The following SETDB2 variants were observed in gnomAD, a reference collection of about 807,000 sequenced individuals.
The protein encoded by SETDB2 is histone-lysine N-methyltransferase SETDB2.
In SETDB2, 56 loss-of-function variants were observed where a neutral mutation model predicts 82.5. The observed-to-expected ratio is 0.68, with a 90% confidence interval of 0.55 to 0.85. The LOEUF is 0.85. Ranked by LOEUF, SETDB2 falls within the 40% of genes least tolerant of loss-of-function variation. The probability of loss-of-function intolerance (pLI) is 0.00; values close to 1 mark genes in which losing one functional copy is unlikely to be tolerated. For missense variants in SETDB2, 677 were observed against 816.4 expected (o/e 0.83, Z 2.08); for synonymous variants, 272 against 284.9 (o/e 0.95, Z 0.46).
rs75281796 is a variant in SETDB2 at position 49,459,767 on chromosome 13, T to C, written c.17-340T>C. 5.7e-3 allele frequency: 931 copies of C among 162,086 alleles called. 6 individuals carry two copies. Among genetic ancestry groups the C allele is most frequent in the African/African-American group, 0.02 (832 of 41,890 alleles). The allele number at this position is 162,086 out of a possible 1,614,324, so 10.0% of individuals were successfully genotyped here. ...ATTCTGAAACCACACTCGGTGGAGATTATACCACTGAGACTTTTTAAAGTG... is the reference window on the plus strand; with the variant it reads ...ATTCTGAAACCACACTCGGTGGAGACTATACCACTGAGACTTTTTAAAGTG... On this transcript the variant is annotated intron_variant, in intron 2 of 13. Coordinates refer to ENST00000611815, the MANE Select transcript of SETDB2 (RefSeq NM_001160308.3).
chr13:49,475,255 C>T (rs1417165319), intron 5 of SETDB2, among the ~76,000 whole-genome samples: 2 of 152,102 alleles, frequency 1.3e-5, no homozygotes, highest in East Asian at 1.9e-4. Flanking sequence ...AAGACCTGCA[C>T]CCATGATTCA....
rs1958516965 is a variant in SETDB2, at chr13:49,483,398, TGTACTTGA to T, written c.1383-62_1383-55del. On this transcript the variant is annotated intron_variant, in intron 9 of 13. Transcript: ENST00000611815. ...TATTTATGTAATAATGGATATTATC[TGTACTTGA>T]GTAAAGAGAATGAAGAGAATTTTTA... The T allele has an allele frequency of 8.7e-6, 5 of 575,694 alleles. No individual in the cohort carries two copies. The African/African-American group carries it at 9.9e-5, about 11-fold the overall frequency. The allele number at this position is 575,694 out of a possible 1,614,324, so 35.7% of individuals were successfully genotyped here. A position where few individuals can be genotyped will look rare whatever the true frequency, so the allele number is the denominator to read the frequency against.
intron 6 of SETDB2, among the ~76,000 whole-genome samples, chr13:49,477,360 C>G (rs1459589724): frequency 1.3e-5 from 2 of 152,066 alleles, no homozygotes; most frequent in African/African-American, 4.8e-5. Flanking sequence ...TGCTTGAGCC[C>G]AGGAGGTCAA....
Position 49,488,546 on chromosome 13 carries a change from A to T in SETDB2, c.1833A>T (p.Ser611=), listed in dbSNP as rs773989017. 1.9e-6 allele frequency: 3 copies of T among 1,613,300 alleles called. No homozygotes were observed. In the Admixed American group the frequency reaches 5.0e-5, roughly 27 times the overall value. ...TGCTAAGTGAAACCAAGAATACTTC[A>T]TCTGATTCTCTAACAAAGTTCAATA... ...EELLSETKNT[S]SDSLTKFNKG... Residue 611 remains serine, a synonymous_variant, in exon 12 of 14, where the codon TCA becomes TCT. Coordinates refer to ENST00000611815, the MANE Select transcript of SETDB2 (RefSeq NM_001160308.3).
At position 49,451,653 on chromosome 13, in the gene SETDB2, A is replaced by G. The variant is rs1957788745; in HGVS notation, c.-241A>G. 2.8e-6 allele frequency: 1 copy of G among 353,472 alleles called. No individual in the cohort carries two copies. Among genetic ancestry groups the G allele is most frequent in the Non-Finnish European group, 5.1e-6 (1 of 194,278 alleles). The allele number at this position is 353,472 out of a possible 1,614,324, so 21.9% of individuals were successfully genotyped here. A position where few individuals can be genotyped will look rare whatever the true frequency, so the allele number is the denominator to read the frequency against. The stretch of plus-strand genomic sequence containing the variant: ...CCACTACAAATATTTACGTGAGAAG[A>G]TTCATGGACTTGTCTTTTGGTTGGA... On this transcript the variant is annotated 5_prime_UTR_variant, in exon 2 of 14. Coordinates refer to ENST00000611815, the MANE Select transcript of SETDB2 (RefSeq NM_001160308.3).
In SETDB2 at chr13:49,493,840, C is replaced by A. The variant is rs1048754852; in HGVS notation, c.*1991C>A. 2.6e-5 allele frequency: 4 copies of A among 152,076 alleles called. No individual in the cohort carries two copies. The highest frequency in any genetic ancestry group is 9.7e-5 in the African/African-American group (4 of 41,390). 9.4% of individuals were successfully genotyped at this position (152,076 alleles called of 1,614,324 possible). On this transcript the variant is annotated 3_prime_UTR_variant, in exon 14 of 14. Transcript: ENST00000611815. The stretch of plus-strand genomic sequence containing the variant: ...CTGGAAATTGAATGCCATTCTGTTC[C>A]TTCTCTTTTGCATATATAATCCATT...
intron 10 of SETDB2, among the ~76,000 whole-genome samples, chr13:49,485,319 T>A (rs1432789348): frequency 6.6e-6 from 1 of 152,218 alleles, no homozygotes; most frequent in African/African-American, 2.4e-5. Flanking sequence ...TAATAACACT[T>A]TCTAAGTACT....
chr13:49,480,876 AGT>A, intron 7 of SETDB2, 69 bp from the exon 8 acceptor site: 2 of 1,504,414 alleles, frequency 1.3e-6, no homozygotes, highest in Non-Finnish European at 1.8e-6. Flanking sequence ...AGTAGTTATC[AGT>A]GTCAGTGAAG....
chr13:49,490,130 A>T (rs1480583446), intron 12 of SETDB2, among the ~76,000 whole-genome samples: 1 of 151,258 alleles, frequency 6.6e-6, no homozygotes, highest in Admixed American at 6.6e-5. Flanking sequence ...TACAAAAAAA[A>T]TTAGCCGTGT....
chr13:49,488,159 A>G, intron 11 of SETDB2, 131 bp from the exon 12 acceptor site: 1 of 1,308,198 alleles, frequency 7.6e-7, no homozygotes, highest in South Asian at 2.0e-5. Context: ...TACAATTAAA[A>G]TAATACTACC....
rs760536889 is a variant in SETDB2, at chr13:49,491,841, AT to A, written c.2117del (p.Ile706AsnfsTer11). 1.8e-5 allele frequency: 29 copies of A among 1,592,182 alleles called. No homozygotes were observed. The highest frequency in any genetic ancestry group is 3.3e-5 in the South Asian group (3 of 90,410). ...QCGVNKCRKKIL is the reference protein window; with the variant it reads ...QCGVNKCRKKXL ...TGGGGTTAATAAATGTAGAAAAAAAATATTATAAATATGTAACTAACGCCTG... is the reference window on the plus strand; with the variant it reads ...TGGGGTTAATAAATGTAGAAAAAAAAATTATAAATATGTAACTAACGCCTG... On this transcript the variant is annotated frameshift_variant, in exon 14 of 14. Coordinates refer to ENST00000611815, the MANE Select transcript of SETDB2 (RefSeq NM_001160308.3). LOFTEE classifies it high-confidence loss of function.
intron 2 of SETDB2, among the ~76,000 whole-genome samples, chr13:49,455,462 G>T (rs75823857): frequency 0.011 from 1,714 of 152,188 alleles, 29 homozygotes; most frequent in African/African-American, 0.039. Context: ...TAAAATATTG[G>T]CTCAGTGAAT....
rs947065869 is a variant in SETDB2, at chr13:49,446,035, C to T, written c.-342+1178C>T. On this transcript the variant is annotated intron_variant, in intron 1 of 13. Transcript: ENST00000611815. ...ACTTGAGCCCAGAGTTCAAGACCAA[C>T]CTGGGCAACATAGACCTCATGTCTA... 5 of 211,586 alleles carry T rather than the reference C, an allele frequency of 2.4e-5. No individual in the cohort carries two copies. The East Asian group carries it at 8.2e-4, about 35-fold the overall frequency. 13.1% of individuals were successfully genotyped at this position (211,586 alleles called of 1,614,324 possible). A position where few individuals can be genotyped will look rare whatever the true frequency, so the allele number is the denominator to read the frequency against.
intron 5 of SETDB2, among the ~76,000 whole-genome samples, chr13:49,471,434 T>C (rs1250995007): frequency 6.6e-6 from 1 of 151,956 alleles, no homozygotes; most frequent in African/African-American, 2.4e-5. Flanking sequence ...TTTTTTTTTT[T>C]TTTGGTCAAG....
In SETDB2 at chr13:49,485,668, T is replaced by C. The variant is rs1434144770; in HGVS notation, c.1521T>C (p.Asn507=). 1.9e-6 allele frequency: 3 copies of C among 1,614,114 alleles called. No individual in the cohort carries two copies. The highest frequency in any genetic ancestry group is 2.5e-6 in the Non-Finnish European group (3 of 1,179,994). The change falls in exon 11 of 14, where the codon AAT becomes AAC. Residue 507 remains asparagine (N), a synonymous_variant. Transcript: ENST00000611815. The part of the protein sequence containing the change: ...VSSESVTPED[N]DGFKPPREHL... The stretch of plus-strand genomic sequence containing the variant: ...CGGAGTCTGTCACTCCAGAAGATAA[T>C]GATGGATTTAAACCACCCCGAGAGC...
At chr13:49,475,580 G>A (rs1054158368) in intron 5 of SETDB2, among the ~76,000 whole-genome samples, 2 of 151,356 alleles carry the variant, frequency 1.3e-5, no homozygotes, top group South Asian at 2.1e-4. Context: ...TCAACCTCCC[G>A]AGTCCAAGTG....
chr13:49,455,606 G>T (rs1264557993), intron 2 of SETDB2, among the ~76,000 whole-genome samples: 2 of 151,978 alleles, frequency 1.3e-5, no homozygotes, highest in East Asian at 3.8e-4. Context: ...CAGATACAAG[G>T]TTTTCAAAAT....
intron 13 of SETDB2, 128 bp from the exon 14 acceptor site, chr13:49,491,604 G>A: frequency 1.5e-6 from 1 of 658,776 alleles, no homozygotes; most frequent in Admixed American, 2.6e-5. Context: ...CCTAATTGGT[G>A]GATGTTGGGT....
At position 49,460,149 on chromosome 13, in the gene SETDB2, A is replaced by G. The variant is rs752714627; in HGVS notation, c.59A>G (p.Lys20Arg). 3.7e-6 allele frequency: 6 copies of G among 1,613,358 alleles called. No homozygotes were observed. The Admixed American group carries it at 1.0e-4, about 27-fold the overall frequency. ...TGGATGGAGCTAGAAGATGATGGAA[A>G]AGTGGACTTCATTTTTGAACAAGTA... The part of the protein sequence containing the change: ...TFWMELEDDG[K>R]VDFIFEQVQN... The change falls in exon 3 of 14, where the codon AAA becomes AGA. Residue 20 changes from lysine (K) to arginine (R), a missense_variant. Physicochemically the swap from Lys to Arg is conservative, Grantham distance 26. Coordinates refer to ENST00000611815, the MANE Select transcript of SETDB2 (RefSeq NM_001160308.3).
Sources: allele counts gnomAD v4.1 joint callset (sites outside exome capture counted in the v4.1 genomes callset), GRCh38; gene constraint gnomAD v4.1.1; transcripts MANE v1.5; gene names NCBI Gene and HGNC (gene_info 2026-07-23, HGNC 2026-07-21).